Variants in FUT8 observed in about 807,000 individuals in gnomAD.
FUT8 encodes alpha-(1,6)-fucosyltransferase.
Under a neutral mutation model 71.3 loss-of-function variants are expected in FUT8, and 29 were observed. The ratio of observed to expected loss-of-function variants is 0.41; its 90% confidence interval spans 0.30 to 0.55. The LOEUF is 0.55. Ranked by LOEUF, FUT8 falls within the 20% of genes least tolerant of loss-of-function variation. The pLI, the probability that FUT8 is intolerant of heterozygous loss-of-function variation, is 0.34. For synonymous variants in FUT8, 254 were observed against 239.3 expected (o/e 1.06, Z -0.57); for missense variants, 544 against 702.1 (o/e 0.77, Z 2.55).
intron 2 of FUT8, among the ~76,000 whole-genome samples, chr14:65,516,823 G>A (rs923071630): frequency 7.3e-5 from 11 of 151,568 alleles, no homozygotes; most frequent in African/African-American, 2.2e-4. Flanking sequence ...TCTCCAGAAC[G>A]CTTTCATCAT....
At chr14:65,570,534 A>G (rs1473009124) in intron 3 of FUT8, among the ~76,000 whole-genome samples, 1 of 151,914 alleles carries the variant, frequency 6.6e-6, no homozygotes, top group Non-Finnish European at 1.5e-5. Context: ...CTCTACCTGT[A>G]TTAAAAGTGG....
intron 2 of FUT8, among the ~76,000 whole-genome samples, chr14:65,501,725 T>C (rs758883388): frequency 7.2e-5 from 11 of 152,222 alleles, no homozygotes; most frequent in Non-Finnish European, 1.0e-4. Flanking sequence ...CCTTCTCTTC[T>C]GGTCAAAGGA....
chr14:65,738,889 A>G (rs1003099567), intron 10 of FUT8, among the ~76,000 whole-genome samples: 5 of 152,060 alleles, frequency 3.3e-5, no homozygotes, highest in Admixed American at 2.0e-4. Context: ...GGCTGGTATT[A>G]TGCCTGGAGC....
At chr14:65,594,734 C>G (rs1360790145) in intron 3 of FUT8, among the ~76,000 whole-genome samples, 3 of 152,046 alleles carry the variant, frequency 2.0e-5, no homozygotes, top group East Asian at 1.9e-4. Flanking sequence ...GGTTGCTCTC[C>G]CCTGAAGTCA....
chr14:65,636,761 AG>A (rs1432264790), intron 6 of FUT8: 1 of 152,170 alleles, frequency 6.6e-6, no homozygotes, highest in African/African-American at 2.4e-5. Context: ...TTTACTTGAG[AG>A]GAGCAATTTC....
chr14:65,501,093 A>G (rs1250239285), intron 2 of FUT8, among the ~76,000 whole-genome samples: 4 of 152,190 alleles, frequency 2.6e-5, no homozygotes, highest in African/African-American at 4.8e-5. Context: ...CCATCTAGCC[A>G]TGATGGCTCA....
intron 1 of FUT8, among the ~76,000 whole-genome samples, chr14:65,445,199 C>G: frequency 6.6e-6 from 1 of 152,144 alleles, no homozygotes; most frequent in East Asian, 1.9e-4. Context: ...GAGCGAAACT[C>G]TGTCTCATAA....
At chr14:65,709,541 G>A (rs1331401700) in intron 7 of FUT8, among the ~76,000 whole-genome samples, 2 of 152,130 alleles carry the variant, frequency 1.3e-5, no homozygotes, top group Non-Finnish European at 2.9e-5. Flanking sequence ...TGGTTGTGGG[G>A]GTAGGGTAGG....
intron 6 of FUT8, among the ~76,000 whole-genome samples, chr14:65,634,538 A>G (rs1201515919): frequency 6.7e-6 from 1 of 148,830 alleles, no homozygotes; most frequent in African/African-American, 2.5e-5. Context: ...CCCCTCTGCG[A>G]GAAACACCCA....
intron 9 of FUT8, among the ~76,000 whole-genome samples, chr14:65,727,972 T>G (rs577641151): frequency 7.9e-5 from 12 of 152,322 alleles, no homozygotes; most frequent in African/African-American, 2.2e-4. Context: ...GTCTCTTTGC[T>G]AAAACATAAC....
At chr14:65,552,476 G>T (rs941517378) in intron 2 of FUT8, among the ~76,000 whole-genome samples, 6 of 152,174 alleles carry the variant, frequency 3.9e-5, no homozygotes, top group African/African-American at 1.4e-4. Flanking sequence ...CATTATAAAT[G>T]TTGATAAGAA....
chr14:65,617,307 C>A, intron 5 of FUT8: 1 of 1,132,246 alleles, frequency 8.8e-7, no homozygotes, highest in Non-Finnish European at 1.2e-6. Flanking sequence ...ATCATTTTAG[C>A]ATTAATGAAT....
chr14:65,482,960 T>C (rs1173353202), intron 2 of FUT8, among the ~76,000 whole-genome samples: 1 of 152,144 alleles, frequency 6.6e-6, no homozygotes, highest in Non-Finnish European at 1.5e-5. Context: ...GTAGGATGCA[T>C]GTTTTCACCA....
intron 1 of FUT8, among the ~76,000 whole-genome samples, chr14:65,416,845 G>A (rs1000784789): frequency 2.7e-5 from 4 of 149,976 alleles, no homozygotes; most frequent in African/African-American, 2.5e-5. Flanking sequence ...CAGTAGTGGC[G>A]TGATCACGGC....
chr14:65,731,126 C>T (rs1205783600), intron 9 of FUT8, among the ~76,000 whole-genome samples: 1 of 152,210 alleles, frequency 6.6e-6, no homozygotes, highest in Non-Finnish European at 1.5e-5. Flanking sequence ...GGACACAGCA[C>T]AGAGCACTAG....
At chr14:65,448,951 CAG>C (rs1297318450) in intron 1 of FUT8, among the ~76,000 whole-genome samples, 3 of 152,070 alleles carry the variant, frequency 2.0e-5, no homozygotes, top group Admixed American at 6.5e-5. Context: ...TTAAGGATGA[CAG>C]AAATCACTTA....
intron 1 of FUT8, among the ~76,000 whole-genome samples, chr14:65,450,058 A>G (rs2065799042): frequency 6.6e-6 from 1 of 152,094 alleles, no homozygotes; most frequent in South Asian, 2.1e-4. Flanking sequence ...TTCATTTCAT[A>G]TGTGATTTTG....
At chr14:65,713,712 AT>A (rs1894918045) in intron 7 of FUT8, among the ~76,000 whole-genome samples, 1 of 152,062 alleles carries the variant, frequency 6.6e-6, no homozygotes, top group Non-Finnish European at 1.5e-5. Context: ...TCTTTTGCCC[AT>A]TTTTGATTGG....
chr14:65,470,388 A>T (rs950251606), intron 2 of FUT8, among the ~76,000 whole-genome samples: 1 of 152,042 alleles, frequency 6.6e-6, no homozygotes, highest in Non-Finnish European at 1.5e-5. Flanking sequence ...CCAAGAGCAC[A>T]TGGAGGCCTG....
Sources: allele counts gnomAD v4.1 joint callset (sites outside exome capture counted in the v4.1 genomes callset), GRCh38; gene constraint gnomAD v4.1.1; transcripts MANE v1.5; gene names NCBI Gene and HGNC (gene_info 2026-07-23, HGNC 2026-07-21).